The following AK8 variants were observed in gnomAD, a reference collection of about 807,000 sequenced individuals.
AK8 encodes the protein adenylate kinase 8.
AK8 carries 44 observed loss-of-function variants against 54.6 expected under a neutral mutation model. The ratio of observed to expected loss-of-function variants is 0.81; its 90% CI spans 0.63 to 1.04. The LOEUF (loss-of-function observed/expected upper bound fraction) is 1.04, where lower values mean the gene tolerates loss of function less well. Among genes scored for constraint, AK8 ranks in the 50% least tolerant of loss-of-function variants. The pLI, the probability that AK8 is intolerant of heterozygous loss-of-function variation, is 0.00. For missense variants in AK8, 555 were observed against 613.6 expected (o/e 0.90, Z 1.01); for synonymous variants, 239 against 245.6 (o/e 0.97, Z 0.25).
rs754496062 is a variant in AK8, at chr9:132,819,731, C to CCTAT, written c.889+3473_889+3474insATAG. Among the ~76,000 whole-genome samples, 218 of 152,084 alleles carry CCTAT rather than the reference C, an allele frequency of 1.4e-3. 1 individual carries two copies. Among genetic ancestry groups the CCTAT allele is most frequent in the South Asian group, 2.5e-3 (12 of 4,804 alleles). On this transcript the variant is annotated intron_variant, in intron 9 of 12. Coordinates refer to ENST00000298545, the MANE Select transcript of AK8 (RefSeq NM_152572.3). Reference sequence around the variant, plus strand: ...TGCAGAATACCTATTTTTTTAAGTACACTTGGAATTCACCAGTATAGACCA... The same window carrying CCTAT: ...TGCAGAATACCTATTTTTTTAAGTACCTATACTTGGAATTCACCAGTATAGACCA...
chr9:132,761,600 T>C (rs1018086805), intron 11 of AK8, among the ~76,000 whole-genome samples: 12 of 152,176 alleles, frequency 7.9e-5, no homozygotes, highest in African/African-American at 2.7e-4. Context: ...AGATTTTTTT[T>C]CCTATGAATG....
intron 9 of AK8, among the ~76,000 whole-genome samples, chr9:132,818,437 G>A (rs1184329377): frequency 6.6e-6 from 1 of 152,120 alleles, no homozygotes; most frequent in African/African-American, 2.4e-5. Context: ...AAAGAAGTAA[G>A]GTAAATGGAA....
intron 11 of AK8, among the ~76,000 whole-genome samples, chr9:132,746,134 C>T (rs1052145743): frequency 6.6e-6 from 1 of 152,114 alleles, no homozygotes; most frequent in African/African-American, 2.4e-5. Context: ...AGCCGCGCAG[C>T]CAACCAGTCA....
At chr9:132,819,338 A>AATGTATGTAGGTTAT (rs1841475208) in intron 9 of AK8, among the ~76,000 whole-genome samples, 1 of 152,240 alleles carries the variant, frequency 6.6e-6, no homozygotes, top group African/African-American at 2.4e-5. Flanking sequence ...GTTATATGCA[A>AATGTATGTAGGTTAT]ATACTACGCC....
intron 11 of AK8, among the ~76,000 whole-genome samples, chr9:132,746,749 G>A (rs1837671958): frequency 6.6e-6 from 1 of 152,174 alleles, no homozygotes; most frequent in Non-Finnish European, 1.5e-5. Context: ...AATAGATCCA[G>A]GTGGAAAAGT....
intron 11 of AK8, among the ~76,000 whole-genome samples, chr9:132,792,256 AG>A (rs1204273554): frequency 6.6e-6 from 1 of 152,234 alleles, no homozygotes; most frequent in African/African-American, 2.4e-5. Context: ...AAAAAATAAA[AG>A]GGGGACTCAT....
rs370923767 is a variant in AK8 at position 132,761,423 on chromosome 9, C to T, written c.1121+31211G>A. Reference sequence around the variant, plus strand: ...GATTAGAGGCATGTGCCACCATGCTCGGCTAATTTTGGTATTTTTAGTAGA... The same window carrying T: ...GATTAGAGGCATGTGCCACCATGCTTGGCTAATTTTGGTATTTTTAGTAGA... On this transcript the variant is annotated intron_variant, in intron 11 of 12. Coordinates refer to ENST00000298545, the MANE Select transcript of AK8 (RefSeq NM_152572.3). Among the ~76,000 whole-genome samples, 26 of 152,036 alleles carry T rather than the reference C, an allele frequency of 1.7e-4. No homozygotes were observed. The East Asian group carries it at 4.8e-3, about 28-fold the overall frequency.
chr9:132,875,259 A>G (rs1311414445), intron 1 of AK8, 60 bp from the exon 2 acceptor site: 2 of 1,598,776 alleles, frequency 1.3e-6, no homozygotes, highest in Non-Finnish European at 1.7e-6. Flanking sequence ...TGGTCACCAC[A>G]GATACCAGCT....
chr9:132,789,073 A>C (rs1839835946), intron 11 of AK8, among the ~76,000 whole-genome samples: 1 of 152,194 alleles, frequency 6.6e-6, no homozygotes, highest in Admixed American at 6.5e-5. Context: ...AGGTGGGTGG[A>C]TCACAAAGTC....
chr9:132,765,597 T>C (rs936020877), intron 11 of AK8, among the ~76,000 whole-genome samples: 1 of 152,042 alleles, frequency 6.6e-6, no homozygotes, highest in African/African-American at 2.4e-5. Context: ...ATGGCCAACA[T>C]AGCAAGATGA....
intron 5 of AK8, among the ~76,000 whole-genome samples, chr9:132,846,889 C>G (rs1564435790): frequency 6.6e-6 from 1 of 152,242 alleles, no homozygotes; most frequent in Non-Finnish European, 1.5e-5. Flanking sequence ...AATAGTAACA[C>G]TGGCCATGTA....
chr9:132,729,507 C>T (rs949010618), intron 11 of AK8, among the ~76,000 whole-genome samples: 1 of 152,216 alleles, frequency 6.6e-6, no homozygotes, highest in Non-Finnish European at 1.5e-5. Context: ...GGTCTTCTAG[C>T]ACTAAATCAT....
chr9:132,819,389 C>G (rs943906440), intron 9 of AK8, among the ~76,000 whole-genome samples: 13 of 152,154 alleles, frequency 8.5e-5, no homozygotes, highest in African/African-American at 3.1e-4. Context: ...ATTTCAGTAT[C>G]CAAGGGAGGT....
chr9:132,728,571 C>T (rs549678835), intron 11 of AK8, among the ~76,000 whole-genome samples: 1 of 152,280 alleles, frequency 6.6e-6, no homozygotes, highest in South Asian at 2.1e-4. Context: ...ACTCGGTACC[C>T]CAGCGTGGCA....
Position 132,792,629 on chromosome 9 carries a change from C to T in AK8, c.1121+5G>A. ...AGGGCTGCTGGCTTGGCTGGGGCAG[C>T]TCACCTGTTGGGATTGTAGCCCAGG... On this transcript the variant is annotated splice_donor_5th_base_variant and intron_variant, in intron 11 of 12. Coordinates refer to ENST00000298545, the MANE Select transcript of AK8 (RefSeq NM_152572.3). 1.3e-6 allele frequency: 2 copies of T among 1,549,950 alleles called. No individual in the cohort carries two copies. The highest frequency in any genetic ancestry group is 2.4e-5 in the East Asian group (1 of 41,128).
In AK8 at chr9:132,803,102, G is replaced by C. The variant is rs992255999; in HGVS notation, c.980-10327C>G. Among the ~76,000 whole-genome samples, 6 of 152,108 alleles carry C rather than the reference G, an allele frequency of 3.9e-5. No individual in the cohort carries two copies. Among genetic ancestry groups the C allele is most frequent in the Non-Finnish European group, 8.8e-5 (6 of 68,020 alleles). ...GGTGCAGAGCGAAGGGGCAGAGCGG[G>C]GGAAAGCCCTTTATAAAACCATCAG... On this transcript the variant is annotated intron_variant, in intron 10 of 12. Coordinates refer to ENST00000298545, the MANE Select transcript of AK8 (RefSeq NM_152572.3). This position sits in a 1 kb window ranked among gnomAD's most constrained non-coding sequence, Gnocchi z 4.4.
chr9:132,854,772 T>C, intron 5 of AK8, 85 bp downstream of exon 5: 1 of 1,430,274 alleles, frequency 7.0e-7, no homozygotes, highest in Non-Finnish European at 9.8e-7. Context: ...ATGCCTCTGG[T>C]CATCTCTGGT....
chr9:132,865,459 C>T (rs576958124), intron 3 of AK8, among the ~76,000 whole-genome samples: 9 of 152,342 alleles, frequency 5.9e-5, no homozygotes, highest in African/African-American at 2.2e-4. Flanking sequence ...GTTCACCAAT[C>T]AGGCTTTTAA....
intron 1 of AK8, among the ~76,000 whole-genome samples, chr9:132,877,449 A>T (rs1167777909): frequency 6.6e-6 from 1 of 152,192 alleles, no homozygotes; most frequent in Non-Finnish European, 1.5e-5. Flanking sequence ...ACTGAGCTCC[A>T]GCTTCCCCTT....
Sources: gnomAD v4.1 joint callset for allele counts (sites outside exome capture counted in the v4.1 genomes callset) on GRCh38, gnomAD v4.1.1 for gene constraint, Gnocchi (gnomAD v3.1) non-coding constraint, MANE v1.5 for transcripts, NCBI Gene and HGNC (gene_info 2026-07-23, HGNC 2026-07-21) for gene names.